Variants in MMP16 observed in about 807,000 individuals in gnomAD.
The protein encoded by MMP16 is matrix metallopeptidase 16, also known as matrix metalloproteinase-16.
A neutral mutation model predicts 67.8 loss-of-function variants in MMP16; 12 were observed. The observed-to-expected ratio is 0.18, with a 90% CI of 0.11 to 0.29. The LOEUF (loss-of-function observed/expected upper bound fraction) is 0.29, where lower values mean the gene tolerates loss of function less well. Ranked by LOEUF, MMP16 falls within the 10% of genes least tolerant of loss-of-function variation. The pLI is 1.00. For missense variants in MMP16, 475 were observed against 765.7 expected, an observed-to-expected ratio of 0.62 and a Z score of 4.48; for synonymous variants, 249 against 255.9, an observed-to-expected ratio of 0.97 and a Z score of 0.26.
At chr8:88,119,997 T>G (rs1046646759) in intron 4 of MMP16, among the ~76,000 whole-genome samples, 1 of 151,994 alleles carries the variant, frequency 6.6e-6, no homozygotes, top group Non-Finnish European at 1.5e-5. Context: ...AAAACCAACA[T>G]TTTTTCTACT....
At chr8:88,196,567 A>T (rs1563559379) in intron 2 of MMP16, among the ~76,000 whole-genome samples, 1 of 152,178 alleles carries the variant, frequency 6.6e-6, no homozygotes, top group Non-Finnish European at 1.5e-5. Flanking sequence ...CAAAATTATT[A>T]AAAAATAAGA....
chr8:88,066,489 G>A (rs1196078757), intron 7 of MMP16, among the ~76,000 whole-genome samples: 2 of 152,012 alleles, frequency 1.3e-5, no homozygotes, highest in South Asian at 2.1e-4. Context: ...AAAGGAGAAC[G>A]ACTCAGTGTT....
chr8:88,173,901 GTGT>G (rs1225711779), intron 3 of MMP16, among the ~76,000 whole-genome samples: 1 of 152,150 alleles, frequency 6.6e-6, no homozygotes, highest in Non-Finnish European at 1.5e-5. Context: ...ATTACATTGG[GTGT>G]TGTTTAAGTG....
intron 1 of MMP16, among the ~76,000 whole-genome samples, chr8:88,213,139 C>G (rs1390255847): frequency 1.3e-5 from 2 of 152,056 alleles, no homozygotes; most frequent in Non-Finnish European, 2.9e-5. Context: ...TGTACTTGTG[C>G]TGATTAAACA....
intron 4 of MMP16, among the ~76,000 whole-genome samples, chr8:88,144,046 ATCAC>A (rs973569336): frequency 3.6e-4 from 55 of 152,096 alleles, no homozygotes; most frequent in Middle Eastern, 3.4e-3. Context: ...TGCCAGTAAA[ATCAC>A]TACCTCAAAA....
chr8:88,294,363 TAG>T (rs1810973760), intron 1 of MMP16, among the ~76,000 whole-genome samples: 1 of 149,152 alleles, frequency 6.7e-6, no homozygotes, highest in Non-Finnish European at 1.5e-5. Context: ...TGTATATATG[TAG>T]ATATACACAC....
At chr8:88,136,478 C>T (rs1388574510) in intron 4 of MMP16, among the ~76,000 whole-genome samples, 2 of 151,584 alleles carry the variant, frequency 1.3e-5, no homozygotes, top group Non-Finnish European at 2.9e-5. Flanking sequence ...GTAATCAATT[C>T]CCAGATCAAG....
intron 3 of MMP16, among the ~76,000 whole-genome samples, chr8:88,172,717 T>C (rs1285771856): frequency 6.6e-6 from 1 of 152,204 alleles, no homozygotes; most frequent in Non-Finnish European, 1.5e-5. Flanking sequence ...TTTTAACAGA[T>C]GATAGATTTC....
chr8:88,194,876 C>A (rs983391190), intron 2 of MMP16, among the ~76,000 whole-genome samples: 1 of 152,004 alleles, frequency 6.6e-6, no homozygotes, highest in African/African-American at 2.4e-5. Context: ...AGCTCCAAAC[C>A]AAAACAAACA....
At chr8:88,160,417 T>C (rs1808597845) in intron 4 of MMP16, among the ~76,000 whole-genome samples, 2 of 151,822 alleles carry the variant, frequency 1.3e-5, no homozygotes, top group African/African-American at 4.8e-5. Flanking sequence ...TTGTGAATAG[T>C]GACGCAATAA....
chr8:88,324,482 A>G (rs2130235389), intron 1 of MMP16, among the ~76,000 whole-genome samples: 1 of 152,268 alleles, frequency 6.6e-6, no homozygotes, highest in Non-Finnish European at 1.5e-5. Flanking sequence ...GAATAAAGCA[A>G]TGTAATCTTA....
chr8:88,096,855 C>A (rs1809036729), intron 6 of MMP16, among the ~76,000 whole-genome samples: 1 of 151,940 alleles, frequency 6.6e-6, no homozygotes, highest in Non-Finnish European at 1.5e-5. Flanking sequence ...CGCGAGAAAA[C>A]ACCCTAACGT....
At chr8:88,108,179 A>G (rs764331941) in intron 6 of MMP16, among the ~76,000 whole-genome samples, 6 of 151,296 alleles carry the variant, frequency 4.0e-5, no homozygotes, top group Non-Finnish European at 7.4e-5. Flanking sequence ...CCTGAATGCC[A>G]GGTGAAAAAA....
intron 1 of MMP16, among the ~76,000 whole-genome samples, chr8:88,274,597 T>G (rs1388030023): frequency 6.6e-6 from 1 of 152,026 alleles, no homozygotes; most frequent in Non-Finnish European, 1.5e-5. Flanking sequence ...AATAAAATAA[T>G]GAACATAAAA....
intron 4 of MMP16, among the ~76,000 whole-genome samples, chr8:88,162,701 C>T (rs993567922): frequency 6.6e-6 from 1 of 151,960 alleles, no homozygotes; most frequent in African/African-American, 2.4e-5. Flanking sequence ...TTGCACTTTG[C>T]TGTTCTTGTG....
chr8:88,321,804 T>C (rs911496464), intron 1 of MMP16, among the ~76,000 whole-genome samples: 5 of 152,146 alleles, frequency 3.3e-5, no homozygotes, highest in Admixed American at 3.3e-4. Flanking sequence ...TCACATCTCA[T>C]TGTTGCAGAT....
rs544305693 is a variant in MMP16, at chr8:88,037,540, G to A, written c.*3921C>T. 6.6e-6 allele frequency: 1 copy of A among 151,850 alleles called. No homozygotes were observed. The highest frequency in any genetic ancestry group is 1.5e-5 in the Non-Finnish European group (1 of 67,866). The allele number at this position is 151,850 out of a possible 1,614,324, so 9.4% of individuals were successfully genotyped here. A position where few individuals can be genotyped will look rare whatever the true frequency, so the allele number is the denominator to read the frequency against. On this transcript the variant is annotated 3_prime_UTR_variant, in exon 10 of 10. Coordinates refer to ENST00000286614, the MANE Select transcript of MMP16 (RefSeq NM_005941.5). The stretch of plus-strand genomic sequence containing the variant: ...TTTATAACAGAAGTTGTCTTTGCTA[G>A]TATCACATAATGCTGTCTAATTTAG...
rs913758830 is a variant in MMP16 at position 88,217,571 on chromosome 8, T to G, written c.133-20265A>C. ...CAATGTGGAACTGGCTTCATCATCT[T>G]AAACCTACTCAGTTATATGATCAAT... On this transcript the variant is annotated intron_variant, in intron 1 of 9. Transcript: ENST00000286614. Among the ~76,000 whole-genome samples, 9 of 152,166 alleles carry G rather than the reference T, an allele frequency of 5.9e-5. No individual in the cohort carries two copies. The South Asian group carries it at 1.0e-3, about 17-fold the overall frequency.
chr8:88,139,403 C>G (rs893265190), intron 4 of MMP16, among the ~76,000 whole-genome samples: 12 of 152,086 alleles, frequency 7.9e-5, no homozygotes, highest in African/African-American at 2.4e-4. Context: ...TTAGGTTATT[C>G]CACTTAAACT....
Sources: gnomAD v4.1 joint callset for allele counts (sites outside exome capture counted in the v4.1 genomes callset) on GRCh38, gnomAD v4.1.1 for gene constraint, MANE v1.5 for transcripts, NCBI Gene and HGNC (gene_info 2026-07-23, HGNC 2026-07-21) for gene names.